The following E2F7 variants were observed in gnomAD, a reference collection of about 807,000 sequenced individuals.
The protein encoded by E2F7 is E2F transcription factor 7.
Under a neutral mutation model 81.1 loss-of-function variants are expected in E2F7, and 35 were observed. The ratio of observed to expected loss-of-function variants is 0.43; its 90% CI spans 0.33 to 0.57. E2F7 has a LOEUF of 0.57. E2F7 is among the 20% of genes least tolerant of loss of function. The pLI is 0.04. For synonymous variants in E2F7, 416 were observed against 416.2 expected, an observed-to-expected ratio of 1.00 and a Z score of 0.01; for missense variants, 961 against 1,093.7, an observed-to-expected ratio of 0.88 and a Z score of 1.71.
intron 6 of E2F7, 46 bp from the exon 7 acceptor site, chr12:77,043,245 A>G (rs1457330505): frequency 6.8e-6 from 11 of 1,609,826 alleles, no homozygotes; most frequent in East Asian, 2.2e-5. Flanking sequence ...CTGTGACACC[A>G]TGACAGTTTA....
Position 77,022,350 on chromosome 12 carries a change from A to C in E2F7, c.*1665T>G, listed in dbSNP as rs1954719672. 6.6e-6 allele frequency: 1 copy of C among 152,502 alleles called. No individual in the cohort carries two copies. Among genetic ancestry groups the C allele is most frequent in the South Asian group, 2.1e-4 (1 of 4,822 alleles). The allele number at this position is 152,502 out of a possible 1,614,324, so 9.4% of individuals were successfully genotyped here. A position where few individuals can be genotyped will look rare whatever the true frequency, so the allele number is the denominator to read the frequency against. On this transcript the variant is annotated 3_prime_UTR_variant, in exon 13 of 13. Transcript: ENST00000322886. Reference sequence around the variant, plus strand: ...TGTAAAAAAGAAAAAAAAAACTTGTAAACTTTAAAAGTTTAGTGTTGATAA... The same window carrying C: ...TGTAAAAAAGAAAAAAAAAACTTGTCAACTTTAAAAGTTTAGTGTTGATAA...
At chr12:77,027,848 C>T (rs371615117) in intron 11 of E2F7, 35 bp downstream of exon 11, 48 of 1,604,950 alleles carry the variant, frequency 3.0e-5, no homozygotes, top group Non-Finnish European at 3.5e-5. Flanking sequence ...ATCTGACTGC[C>T]GCAAGGGACT....
At chr12:77,043,411 A>T (rs889882620) in intron 6 of E2F7, among the ~76,000 whole-genome samples, 2 of 152,036 alleles carry the variant, frequency 1.3e-5, no homozygotes, top group African/African-American at 4.8e-5. Context: ...GTGTCCTTCC[A>T]TTTCCACAAC....
At chr12:77,062,417 A>T (rs953540821) in intron 2 of E2F7, among the ~76,000 whole-genome samples, 1 of 152,340 alleles carries the variant, frequency 6.6e-6, no homozygotes, top group African/African-American at 2.4e-5. Context: ...ATCCCTAGAA[A>T]GCATCCTTCC....
chr12:77,059,935 C>G (rs1955064704), intron 2 of E2F7, among the ~76,000 whole-genome samples: 1 of 147,200 alleles, frequency 6.8e-6, no homozygotes, highest in South Asian at 2.2e-4. Flanking sequence ...TGCACTCCAG[C>G]CTGGGTGACA....
At chr12:77,055,335 T>C (rs951840383) in intron 3 of E2F7, among the ~76,000 whole-genome samples, 12 of 150,996 alleles carry the variant, frequency 7.9e-5, no homozygotes, top group African/African-American at 2.9e-4. Context: ...AAAAGCTTGA[T>C]GGGAAGTGAA....
At chr12:77,033,298 TC>T (rs1372839226) in intron 8 of E2F7, among the ~76,000 whole-genome samples, 176 bp from the exon 9 acceptor site, 3 of 152,078 alleles carry the variant, frequency 2.0e-5, no homozygotes, top group African/African-American at 7.2e-5. Context: ...AATTCAGGTC[TC>T]ATTAAGAATT....
intron 6 of E2F7, chr12:77,044,206 G>C (rs1954919515): frequency 2.3e-6 from 1 of 444,168 alleles, no homozygotes; most frequent in South Asian, 1.6e-5. Flanking sequence ...CCCTGTCCAT[G>C]TCCCACCACC....
intron 2 of E2F7, among the ~76,000 whole-genome samples, chr12:77,062,224 A>G (rs750253657): frequency 6.6e-5 from 10 of 152,204 alleles, no homozygotes; most frequent in African/African-American, 1.7e-4. Context: ...CAATTTATGG[A>G]AGAAAAAAAT....
intron 3 of E2F7, among the ~76,000 whole-genome samples, chr12:77,053,362 T>C (rs1592565478): frequency 6.6e-6 from 1 of 152,236 alleles, no homozygotes; most frequent in Admixed American, 6.5e-5. Context: ...TCTGGATTAA[T>C]AGAAGAGAAC....
chr12:77,026,182 CTG>C (rs1421850535), intron 11 of E2F7, among the ~76,000 whole-genome samples, 200 bp from the exon 12 acceptor site: 1 of 152,228 alleles, frequency 6.6e-6, no homozygotes, highest in African/African-American at 2.4e-5. Context: ...CCACATTTAT[CTG>C]TGTGATCATT....
In E2F7 at chr12:77,050,566, T is replaced by C. The variant is rs200627778; in HGVS notation, c.538+10A>G. ...GGAGACAGACCTCCAGGTAATCTGATGATACATACCAAGACTGACAGCAAC... is the reference window on the plus strand; with the variant it reads ...GGAGACAGACCTCCAGGTAATCTGACGATACATACCAAGACTGACAGCAAC... On this transcript the variant is annotated intron_variant, in intron 4 of 12. Transcript: ENST00000322886. 2 of 1,612,928 alleles carry C rather than the reference T, an allele frequency of 1.2e-6. No homozygotes were observed. The highest frequency in any genetic ancestry group is 1.3e-5 in the African/African-American group (1 of 74,998).
intron 2 of E2F7, among the ~76,000 whole-genome samples, chr12:77,059,775 G>A (rs1592568319): frequency 6.6e-6 from 1 of 152,084 alleles, no homozygotes; most frequent in South Asian, 2.1e-4. Flanking sequence ...TGGCTAACAC[G>A]GTGAAACTTT....
At chr12:77,027,099 A>G (rs1477871171) in intron 11 of E2F7, among the ~76,000 whole-genome samples, 1 of 152,256 alleles carries the variant, frequency 6.6e-6, no homozygotes, top group Non-Finnish European at 1.5e-5. Context: ...CTAAAGAAAT[A>G]AAGAATTTTT....
chr12:77,063,611 C>T (rs1466166750), intron 2 of E2F7, among the ~76,000 whole-genome samples: 2 of 152,094 alleles, frequency 1.3e-5, no homozygotes, highest in Non-Finnish European at 2.9e-5. Flanking sequence ...AGGGGAACTA[C>T]TGTATTTCTT....
Position 77,030,219 on chromosome 12 carries a change from T to C in E2F7, c.1496A>G (p.His499Arg), listed in dbSNP as rs528623078. ...DPEYCVNPLA[H>R]PVFSVAQTDL... ...CGTCTGAGCAACAGAAAATACTGGG[T>C]GGGCTAAAGGATTAACACAATATTC... Residue 499 changes from histidine (H) to arginine (R), a missense_variant, in exon 10 of 13, where the codon CAC becomes CGC. By Grantham distance (29) the His-to-Arg change is conservative (BLOSUM62 0). This residue lies in a region of E2F7 where 587 missense variants were observed against 620.3 expected (regional missense o/e 0.95). Coordinates refer to ENST00000322886, the MANE Select transcript of E2F7 (RefSeq NM_203394.3). The C allele has an allele frequency of 6.2e-7, 1 of 1,614,032 alleles. No homozygotes were observed. Among genetic ancestry groups the C allele is most frequent in the African/African-American group, 1.3e-5 (1 of 75,038 alleles).
chr12:77,045,958 C>T (rs1954936327), intron 5 of E2F7, 80 bp downstream of exon 5: 1 of 1,526,030 alleles, frequency 6.6e-7, no homozygotes, highest in South Asian at 1.3e-5. Flanking sequence ...CTGGCACTTC[C>T]CATCTGAGCA....
Position 77,046,326 on chromosome 12 carries a change from C to T in E2F7, c.541G>A (p.Val181Met). The T allele has an allele frequency of 6.2e-7, 1 of 1,608,478 alleles. No individual in the cohort carries two copies. The highest frequency in any genetic ancestry group is 2.2e-5 in the East Asian group (1 of 44,756). The change falls in exon 5 of 13, where the codon GTG becomes ATG. Residue 181 changes from valine to methionine, a missense_variant and splice_region_variant. Around this residue, in one of 3 missense-constraint regions of E2F7, gnomAD observed 301 missense variants for 405.0 expected, o/e 0.74. Coordinates refer to ENST00000322886, the MANE Select transcript of E2F7 (RefSeq NM_203394.3). ...ATGTCATAGATGCGTCTCCTTTCCA[C>T]ACCTGTTTGAAAAACAGAGGCTGAT... is the stretch of plus-strand genomic sequence containing the variant. ...SLDEVAVSLG[V>M]ERRRIYDIVN...
At position 77,024,084 on chromosome 12, in the gene E2F7, T is replaced by C; in HGVS notation, c.2667A>G (p.Glu889=). The change falls in exon 13 of 13, where the codon GAA becomes GAG. Residue 889 remains glutamate (E), a synonymous_variant. Coordinates refer to ENST00000322886, the MANE Select transcript of E2F7 (RefSeq NM_203394.3). The stretch of plus-strand genomic sequence containing the variant: ...AGCTGGTGTTTCGTGACTGGTTCCT[T>C]TCTCTTCTCTTCAGGACAGGGTCTC... ...SLGDPVLKRR[E]RNQSRNTSSA... The C allele has an allele frequency of 1.9e-6, 3 of 1,614,078 alleles. No individual in the cohort carries two copies. Among genetic ancestry groups the C allele is most frequent in the Non-Finnish European group, 2.5e-6 (3 of 1,180,018 alleles).
Sources: allele counts gnomAD v4.1 joint callset (sites outside exome capture counted in the v4.1 genomes callset), GRCh38; gene constraint gnomAD v4.1.1; regional missense constraint gnomAD v4.1.1; transcripts MANE v1.5; gene names NCBI Gene and HGNC (gene_info 2026-07-23, HGNC 2026-07-21).